The following ACCSL variants were observed in gnomAD, a reference collection of about 807,000 sequenced individuals.
ACCSL encodes the protein probable inactive 1-aminocyclopropane-1-carboxylate synthase-like protein 2.
ACCSL carries 55 observed loss-of-function variants against 61.7 expected under a neutral mutation model. That is an observed-to-expected ratio of 0.89 (90% confidence interval 0.72 to 1.12). The LOEUF (loss-of-function observed/expected upper bound fraction) is 1.12, where lower values mean the gene tolerates loss of function less well. ACCSL is among the 50% of genes most tolerant of loss of function. ACCSL has a pLI of 0.00. For missense variants in ACCSL, 632 were observed against 698.0 expected (o/e 0.91, Z 1.07); for synonymous variants, 258 against 264.3 (o/e 0.98, Z 0.23).
chr11:43,943,458 G>T, the ACCSL span: 6,997 of 1,422,310 alleles, frequency 4.9e-3, 47 homozygotes, highest in Non-Finnish European at 5.3e-3. This position sits in a 1 kb window ranked among gnomAD's most constrained non-coding sequence, Gnocchi z 4.8. Context: ...CGCTCGCCCT[G>T]GCCCGGGAGC....
At chr11:43,960,895 T>C in the ACCSL span, among the ~76,000 whole-genome samples, 1 of 152,344 alleles carries the variant, frequency 6.6e-6, no homozygotes, top group South Asian at 2.1e-4. Flanking sequence ...CTTGGCTCAC[T>C]GCAACCTCCG....
chr11:44,044,893 G>A (rs917286949), upstream of ACCSL, among the ~76,000 whole-genome samples: 12 of 152,226 alleles, frequency 7.9e-5, no homozygotes, highest in East Asian at 1.4e-3. Flanking sequence ...GAAGGCCCCC[G>A]GGTGAATGGA....
the ACCSL span, among the ~76,000 whole-genome samples, chr11:43,985,404 C>CA: frequency 9.2e-5 from 14 of 152,184 alleles, no homozygotes; most frequent in Non-Finnish European, 2.1e-4. Context: ...CTGACGTTCC[C>CA]AGAAACCCAG....
In ACCSL at chr11:44,055,891, G is replaced by A. The variant is rs1344862030; in HGVS notation, c.1140-149G>A. 3 of 891,504 alleles carry A rather than the reference G, an allele frequency of 3.4e-6. No homozygotes were observed. The East Asian group carries it at 7.9e-5, about 24-fold the overall frequency. 55.2% of individuals were successfully genotyped at this position (891,504 alleles called of 1,614,324 possible). A position where few individuals can be genotyped will look rare whatever the true frequency, so the allele number is the denominator to read the frequency against. On this transcript the variant is annotated intron_variant, in intron 9 of 13. Coordinates refer to ENST00000378832, the MANE Select transcript of ACCSL (RefSeq NM_001031854.2). Reference sequence around the variant, plus strand: ...AGGAATACCTTGTGTTGACTTCCTGGCTTAACTGGGACAACTGTTTCTTGA... The same window carrying A: ...AGGAATACCTTGTGTTGACTTCCTGACTTAACTGGGACAACTGTTTCTTGA...
chr11:44,000,371 G>A, the ACCSL span, among the ~76,000 whole-genome samples: 2 of 151,816 alleles, frequency 1.3e-5, no homozygotes, highest in African/African-American at 2.4e-5. Context: ...GTGATCCCCT[G>A]CCTCTGCCTC....
At chr11:43,934,428 T>C in the ACCSL span, among the ~76,000 whole-genome samples, 5 of 152,178 alleles carry the variant, frequency 3.3e-5, no homozygotes, top group African/African-American at 1.2e-4. Context: ...GTTGCTTTCC[T>C]GTCCCCACCC....
the ACCSL span, among the ~76,000 whole-genome samples, chr11:43,969,960 T>C: frequency 2.0e-5 from 3 of 151,646 alleles, no homozygotes; most frequent in Non-Finnish European, 2.9e-5. Context: ...CAAATAGGTA[T>C]AGGGGGAGGG....
At chr11:43,929,587 A>T in the ACCSL span, among the ~76,000 whole-genome samples, 2 of 151,906 alleles carry the variant, frequency 1.3e-5, no homozygotes, top group Non-Finnish European at 2.9e-5. Flanking sequence ...TTGTATTTTT[A>T]GTAGAGATGG....
the ACCSL span, among the ~76,000 whole-genome samples, chr11:43,949,774 C>T: frequency 2.0e-5 from 3 of 152,146 alleles, no homozygotes; most frequent in Non-Finnish European, 4.4e-5. Context: ...AAGATCGCAC[C>T]ACTGCACTCC....
chr11:44,051,260 T>C, intron 3 of ACCSL, 75 bp from the exon 4 acceptor site: 1 of 1,491,346 alleles, frequency 6.7e-7, no homozygotes, highest in Non-Finnish European at 9.4e-7. Context: ...CCTGTTAGGC[T>C]GGACAATGAC....
At chr11:44,046,874 C>T (rs1952601244), upstream of ACCSL, among the ~76,000 whole-genome samples, 1 of 152,052 alleles carries the variant, frequency 6.6e-6, no homozygotes, top group African/African-American at 2.4e-5. Flanking sequence ...TTCTTTGAGG[C>T]TTTAAAAGGT....
At chr11:43,948,320 C>T in the ACCSL span, among the ~76,000 whole-genome samples, 1 of 149,872 alleles carries the variant, frequency 6.7e-6, no homozygotes, top group South Asian at 2.1e-4. Context: ...ATAAAGGCCA[C>T]CATTCAGTGA....
At position 44,048,108 on chromosome 11, in the gene ACCSL, C is replaced by T. The variant is rs748246175; in HGVS notation, c.72C>T (p.Ser24=). Reference sequence around the variant, plus strand: ...GAGGCCGGGTCCCCAGAGACCACAGCATCTATACCCAGCTGTTGGAGATAA... The same window carrying T: ...GAGGCCGGGTCCCCAGAGACCACAGTATCTATACCCAGCTGTTGGAGATAA... ...QRRGRVPRDH[S]IYTQLLEITL... The change falls in exon 1 of 14, where the codon AGC becomes AGT. Residue 24 remains serine, a synonymous_variant. Transcript: ENST00000378832. 6.2e-7 allele frequency: 1 copy of T among 1,614,190 alleles called. No homozygotes were observed. The highest frequency in any genetic ancestry group is 8.5e-7 in the Non-Finnish European group (1 of 1,180,028).
chr11:43,977,216 T>C, the ACCSL span, among the ~76,000 whole-genome samples: 1 of 152,220 alleles, frequency 6.6e-6, no homozygotes, highest in Non-Finnish European at 1.5e-5. Context: ...GGCTCTCCAC[T>C]ATGTCCTAAT....
At chr11:44,023,083 G>A in the ACCSL span, among the ~76,000 whole-genome samples, 22,619 of 120,836 alleles carry the variant, frequency 0.19, 2,086 homozygotes, top group East Asian at 0.32. Flanking sequence ...TCTCACTCTC[G>A]TTGGCCAGGC....
At chr11:43,958,373 C>T in the ACCSL span, among the ~76,000 whole-genome samples, 1 of 152,172 alleles carries the variant, frequency 6.6e-6, no homozygotes, top group Non-Finnish European at 1.5e-5. Context: ...CAGAAGAGAA[C>T]AGCTTCGACT....
the ACCSL span, among the ~76,000 whole-genome samples, chr11:43,965,966 G>T: frequency 6.6e-6 from 1 of 152,170 alleles, no homozygotes; most frequent in Middle Eastern, 3.4e-3. Flanking sequence ...ATTCAAAATG[G>T]TTCAAAGATC....
At chr11:44,044,961 T>C (rs936579880), upstream of ACCSL, among the ~76,000 whole-genome samples, 2 of 152,014 alleles carry the variant, frequency 1.3e-5, no homozygotes, top group Non-Finnish European at 2.9e-5. Context: ...CAAGGAGACT[T>C]GAGGAGAGGA....
the ACCSL span, among the ~76,000 whole-genome samples, chr11:43,963,307 A>G: frequency 1.3e-5 from 2 of 152,240 alleles, no homozygotes; most frequent in Non-Finnish European, 2.9e-5. Flanking sequence ...GCATGAAGCT[A>G]GACAATTGAC....
Sources: allele counts gnomAD v4.1 joint callset (sites outside exome capture counted in the v4.1 genomes callset), GRCh38; gene constraint gnomAD v4.1.1; non-coding constraint Gnocchi (gnomAD v3.1); transcripts MANE v1.5; gene names NCBI Gene and HGNC (gene_info 2026-07-23, HGNC 2026-07-21).